MSMO1: variants seen among roughly 807,000 people sequenced by gnomAD.
MSMO1 encodes the protein methylsterol monooxygenase 1, also known as C-4 methylsterol oxidase.
MSMO1 carries 18 observed loss-of-function variants against 30.4 expected under a neutral mutation model. The observed-to-expected ratio is 0.59, with a 90% CI of 0.41 to 0.88. MSMO1 has a LOEUF of 0.88. Ranked by LOEUF, MSMO1 falls within the 40% of genes least tolerant of loss-of-function variation. The pLI is 0.00. For missense variants in MSMO1, 284 were observed against 340.5 expected (o/e 0.83, Z 1.31); for synonymous variants, 84 against 107.9 (o/e 0.78, Z 1.37).
rs567759143 is a variant in MSMO1, at chr4:165,331,993, C to A, written c.-31-1347C>A. 1.3e-4 allele frequency among the ~76,000 whole-genome samples: 19 copies of A among 151,830 alleles called. No homozygotes were observed. The South Asian group carries it at 4.0e-3, about 32-fold the overall frequency. On this transcript the variant is annotated intron_variant, in intron 1 of 5. Transcript: ENST00000261507. ...GCCACTCTGTCTTCCATAACACTGT[C>A]CCCTACTCCACCACACTGTCTCCTA...
chr4:165,342,014 C>A lies in MSMO1; in HGVS notation c.*68C>A. On this transcript the variant is annotated 3_prime_UTR_variant, in exon 6 of 6. Transcript: ENST00000261507. Reference sequence around the variant, plus strand: ...ATTCAGAAACTAGTAGCTAACATTGCTTCTGGAGAGCAGAAATAAGCATGT... The same window carrying A: ...ATTCAGAAACTAGTAGCTAACATTGATTCTGGAGAGCAGAAATAAGCATGT... The A allele has an allele frequency of 1.5e-6, 2 of 1,297,394 alleles. No individual in the cohort carries two copies. The highest frequency in any genetic ancestry group is 2.2e-6 in the Non-Finnish European group (2 of 903,704). 80.4% of individuals were successfully genotyped at this position (1,297,394 alleles called of 1,614,324 possible).
chr4:165,339,124 GAT>G (rs1747645501), intron 4 of MSMO1, among the ~76,000 whole-genome samples: 1 of 23,260 alleles, frequency 4.3e-5, no homozygotes, highest in Non-Finnish European at 8.7e-5. Flanking sequence ...TTTTTTTTGA[GAT>G]AGAGTTTTGC....
intron 1 of MSMO1, among the ~76,000 whole-genome samples, chr4:165,331,960 A>AACACTATTTCCTT (rs1747405015): frequency 6.7e-6 from 1 of 148,538 alleles, no homozygotes; most frequent in African/African-American, 2.6e-5. Flanking sequence ...ACTCTCCCCT[A>AACACTATTTCCTT]CCCCGTCGCC....
intron 4 of MSMO1, 98 bp from the exon 5 acceptor site, chr4:165,340,123 A>G (rs1175227128): frequency 5.9e-6 from 6 of 1,024,532 alleles, no homozygotes; most frequent in Non-Finnish European, 8.9e-6. Context: ...ACTGGTATTT[A>G]ATCAAACAGT....
chr4:165,340,373 T>C lies in MSMO1; in HGVS notation c.684T>C (p.His228=), dbSNP rs1256166539. The stretch of plus-strand genomic sequence containing the variant: ...GTTTATTAGAAACTATTGATGTCCA[T>C]AGGTGAGTATTAATTTCTGTTCAGG... ...TIRLLETIDV[H]SGYDIPLNPL... The change falls in exon 5 of 6, where the codon CAT becomes CAC. Residue 228 remains histidine, a splice_region_variant and synonymous_variant. Coordinates refer to ENST00000261507, the MANE Select transcript of MSMO1 (RefSeq NM_006745.5). 2 of 1,611,526 alleles carry C rather than the reference T, an allele frequency of 1.2e-6. No homozygotes were observed. Among genetic ancestry groups the C allele is most frequent in the South Asian group, 1.1e-5 (1 of 91,038 alleles).
chr4:165,333,288 AT>A (rs1747449306), intron 1 of MSMO1, 51 bp from the exon 2 acceptor site: 1 of 1,450,570 alleles, frequency 6.9e-7, no homozygotes, highest in Non-Finnish European at 9.5e-7. Context: ...TAACTGTTTT[AT>A]TTTTTGAAAG....
intron 5 of MSMO1, chr4:165,340,733 G>A (rs1021886750): frequency 5.3e-6 from 1 of 188,860 alleles, no homozygotes; most frequent in Non-Finnish European, 1.1e-5. Context: ...ACTGATAAAG[G>A]CACTTGCAAG....
chr4:165,333,401 A>C lies in MSMO1; in HGVS notation c.31A>C (p.Ser11Arg), dbSNP rs1024578593. The C allele has an allele frequency of 3.1e-6, 5 of 1,611,914 alleles. No homozygotes were observed. The Admixed American group carries it at 6.7e-5, about 21-fold the overall frequency. Reference sequence around the variant, plus strand: ...AACAAATGAAAGTGTCAGCATCTTTAGTTCAGCATCCTTGGCTGTGGAATA... The same window carrying C: ...AACAAATGAAAGTGTCAGCATCTTTCGTTCAGCATCCTTGGCTGTGGAATA... MATNESVSIFSSASLAVEYVD... is the reference protein window; with the variant it reads MATNESVSIFRSASLAVEYVD... Residue 11 changes from serine (S) to arginine (R), a missense_variant, in exon 2 of 6, where the codon AGT becomes CGT. Physicochemically the swap from Ser to Arg is moderately radical, Grantham distance 110 (BLOSUM62 -1). Coordinates refer to ENST00000261507, the MANE Select transcript of MSMO1 (RefSeq NM_006745.5).
chr4:165,333,708 G>T, intron 2 of MSMO1, 83 bp downstream of exon 2: 1 of 1,344,862 alleles, frequency 7.4e-7, no homozygotes, highest in Non-Finnish European at 1.0e-6. Context: ...GTTTTGTGAG[G>T]CTAAAGCAGT....
At chr4:165,338,866 G>T in intron 4 of MSMO1, 88 bp downstream of exon 4, 1 of 1,124,910 alleles carries the variant, frequency 8.9e-7, no homozygotes, top group African/African-American at 1.6e-5. Flanking sequence ...TGTTGGTGAC[G>T]TTTTTATTTT....
At chr4:165,329,851 G>T (rs1490774788) in intron 1 of MSMO1, among the ~76,000 whole-genome samples, 2 of 151,834 alleles carry the variant, frequency 1.3e-5, no homozygotes, top group Non-Finnish European at 2.9e-5. Flanking sequence ...GGCCAGACTG[G>T]TCTGGAACTC....
intron 2 of MSMO1, among the ~76,000 whole-genome samples, chr4:165,335,001 A>G (rs1300358346): frequency 6.6e-6 from 1 of 152,186 alleles, no homozygotes; most frequent in Non-Finnish European, 1.5e-5. Flanking sequence ...CAAAATGACA[A>G]CTATTTATAG....
chr4:165,341,738 A>G lies in MSMO1; in HGVS notation c.687-13A>G, dbSNP rs1560851919. The G allele has an allele frequency of 6.3e-7, 1 of 1,586,024 alleles. No individual in the cohort carries two copies. The highest frequency in any genetic ancestry group is 8.7e-7 in the Non-Finnish European group (1 of 1,154,784). ...TATTTATTCCTTAATAATCTTTATC[A>G]TTTTTGTTTCAGTGGTTATGATATT... On this transcript the variant is annotated splice_polypyrimidine_tract_variant and intron_variant, in intron 5 of 5. Transcript: ENST00000261507.
intron 1 of MSMO1, among the ~76,000 whole-genome samples, chr4:165,329,322 C>T (rs1328562454): frequency 2.6e-5 from 4 of 152,006 alleles, no homozygotes; most frequent in African/African-American, 9.7e-5. Context: ...TAGATAGCAC[C>T]TTTCTCTAGA....
intron 1 of MSMO1, among the ~76,000 whole-genome samples, chr4:165,328,982 C>T (rs1354118460): frequency 6.6e-6 from 1 of 152,122 alleles, no homozygotes; most frequent in Non-Finnish European, 1.5e-5. Context: ...GTTCATGTGC[C>T]TCTGAACTCT....
intron 2 of MSMO1, among the ~76,000 whole-genome samples, chr4:165,334,835 A>G (rs142364072): frequency 6.8e-4 from 104 of 152,344 alleles, no homozygotes; most frequent in African/African-American, 2.3e-3. Flanking sequence ...GTATTCATCT[A>G]TGGAAAGTAA....
chr4:165,337,675 A>T, intron 2 of MSMO1, 114 bp from the exon 3 acceptor site: 1 of 1,040,106 alleles, frequency 9.6e-7, no homozygotes, highest in Non-Finnish European at 1.5e-6. Flanking sequence ...TTAGTTATAT[A>T]AAGTTAACAT....
intron 1 of MSMO1, among the ~76,000 whole-genome samples, chr4:165,333,023 C>A (rs1470325753): frequency 1.3e-5 from 2 of 152,054 alleles, no homozygotes; most frequent in Non-Finnish European, 2.9e-5. Context: ...AAATTAGAAC[C>A]TTTTCCATGA....
In MSMO1 at chr4:165,333,517, T is replaced by A; in HGVS notation, c.147T>A (p.Ile49=). 6.2e-7 allele frequency: 1 copy of A among 1,613,636 alleles called. No individual in the cohort carries two copies. Among genetic ancestry groups the A allele is most frequent in the Non-Finnish European group, 8.5e-7 (1 of 1,179,776 alleles). Residue 49 remains isoleucine, a synonymous_variant, in exon 2 of 6, where the codon ATT becomes ATA. Transcript: ENST00000261507. ...TGAATAATTATACAAAGTTCCAGAT[T>A]GCAACATGGGGATCCCTTATAGTTC... ...YMLNNYTKFQ[I]ATWGSLIVHE... is the part of the protein sequence containing the mutation.
Sources: gnomAD v4.1 joint callset for allele counts (sites outside exome capture counted in the v4.1 genomes callset) on GRCh38, gnomAD v4.1.1 for gene constraint, MANE v1.5 for transcripts, NCBI Gene and HGNC (gene_info 2026-07-23, HGNC 2026-07-21) for gene names.